The following PI4KB variants were observed in gnomAD, a reference collection of about 807,000 sequenced individuals.
PI4KB encodes the protein phosphatidylinositol 4-kinase beta.
Under a neutral mutation model 81.4 loss-of-function variants are expected in PI4KB, and 23 were observed. The ratio of observed to expected loss-of-function variants is 0.28; its 90% CI spans 0.20 to 0.40. The LOEUF (loss-of-function observed/expected upper bound fraction) is 0.40. PI4KB is among the 10% of genes least tolerant of loss of function. PI4KB has a pLI of 1.00. For synonymous variants in PI4KB, 381 were observed against 406.8 expected, an observed-to-expected ratio of 0.94 and a Z score of 0.76; for missense variants, 651 against 1,036.6, an observed-to-expected ratio of 0.63 and a Z score of 5.11.
At position 151,307,742 on chromosome 1, in the gene PI4KB, C is replaced by T. The variant is rs1469329401; in HGVS notation, c.1014G>A (p.Arg338=). The T allele has an allele frequency of 1.2e-6, 2 of 1,614,124 alleles. No individual in the cohort carries two copies. Among genetic ancestry groups the T allele is most frequent in the Admixed American group, 3.3e-5 (2 of 60,022 alleles). Residue 338 remains arginine (R), a synonymous_variant, in exon 4 of 12, where the codon CGG becomes CGA. Coordinates refer to ENST00000368873, the MANE Select transcript of PI4KB (RefSeq NM_001369623.2). ...FIKSLMAIGK[R]LATLPTKEQK... is the part of the protein sequence containing the mutation. ...GCTCTTTGGTGGGGAGCGTGGCCAG[C>T]CGCTTGCCGATCGCCATCAGGGACT...
intron 11 of PI4KB, 63 bp from the exon 12 acceptor site, chr1:151,293,096 A>T: frequency 1.3e-6 from 2 of 1,585,714 alleles, no homozygotes; most frequent in Non-Finnish European, 1.7e-6. Flanking sequence ...TGTCAGCCAT[A>T]GCAAATACAG....
chr1:151,306,177 C>T lies in PI4KB; in HGVS notation c.1369G>A (p.Glu457Lys). The T allele has an allele frequency of 6.2e-7, 1 of 1,614,208 alleles. No individual in the cohort carries two copies. The highest frequency in any genetic ancestry group is 1.3e-5 in the African/African-American group (1 of 75,044). The change falls in exon 5 of 12, where the codon GAG becomes AAG. Residue 457 changes from glutamate to lysine, a missense_variant. Coordinates refer to ENST00000368873, the MANE Select transcript of PI4KB (RefSeq NM_001369623.2). ...CCTATGTCATCCACCGACCAGGCCT[C>T]ATCATCGTTGTCATAGTTGGGCACA... ...STVPNYDNDD[E>K]AWSVDDIGEL...
At chr1:151,293,912 C>T (rs773520482) in intron 11 of PI4KB, 106 bp downstream of exon 11, 2 of 1,275,382 alleles carry the variant, frequency 1.6e-6, no homozygotes, top group Non-Finnish European at 2.2e-6. Context: ...CTGGGAACCC[C>T]CCTCCCTCAA....
chr1:151,296,203 C>T (rs1400242215), intron 9 of PI4KB, among the ~76,000 whole-genome samples: 2 of 152,126 alleles, frequency 1.3e-5, no homozygotes, highest in Non-Finnish European at 2.9e-5. Context: ...GCCGAGATCA[C>T]GCCACTGCAC....
chr1:151,306,243 A>T lies in PI4KB; in HGVS notation c.1303T>A (p.Cys435Ser), dbSNP rs1307308311. 6.2e-7 allele frequency: 1 copy of T among 1,613,938 alleles called. No homozygotes were observed. Among genetic ancestry groups the T allele is most frequent in the Non-Finnish European group, 8.5e-7 (1 of 1,180,020 alleles). The change falls in exon 5 of 12, where the codon TGT becomes AGT. Residue 435 changes from cysteine (C) to serine (S), a missense_variant. Physicochemically the swap from Cys to Ser is moderately radical, Grantham distance 112 (BLOSUM62 -1). Around this residue, in one of 5 missense-constraint regions of PI4KB, gnomAD observed 246 missense variants for 430.1 expected, o/e 0.57. Coordinates refer to ENST00000368873, the MANE Select transcript of PI4KB (RefSeq NM_001369623.2). ...STRSVENLPE[C>S]GITHEQRAGS... ...GCTCGCTGCTCATGGGTAATACCAC[A>T]TTCGGGCAAGTTTTCTACGGACCTC...
At position 151,307,535 on chromosome 1, in the gene PI4KB, T is replaced by A. The variant is rs371412008; in HGVS notation, c.1182+39A>T. ...ACTCTGAACAACCATGGGTGAAGAG[T>A]CACGTCCAGGGTAGGGGTTTGGGCC... is the stretch of plus-strand genomic sequence containing the variant. On this transcript the variant is annotated intron_variant, in intron 4 of 11. Transcript: ENST00000368873. 3.6e-5 allele frequency: 50 copies of A among 1,387,364 alleles called. No homozygotes were observed. In the African/African-American group the frequency reaches 6.9e-4, roughly 19 times the overall value. The allele number at this position is 1,387,364 out of a possible 1,614,324, so 85.9% of individuals were successfully genotyped here. A position where few individuals can be genotyped will look rare whatever the true frequency, so the allele number is the denominator to read the frequency against.
At chr1:151,316,626 T>C in intron 1 of PI4KB, 117 bp from the exon 2 acceptor site, 1 of 651,018 alleles carries the variant, frequency 1.5e-6, no homozygotes, top group South Asian at 3.0e-5. Context: ...CCTCCTCTTT[T>C]TGTCTTCCTG....
intron 1 of PI4KB, among the ~76,000 whole-genome samples, chr1:151,321,831 C>G (rs1250846339): frequency 6.8e-6 from 1 of 147,838 alleles, no homozygotes; most frequent in African/African-American, 2.5e-5. Flanking sequence ...CGAGATCACA[C>G]CACTGCACTC....
intron 3 of PI4KB, 22 bp from the exon 4 acceptor site, chr1:151,307,823 C>G: frequency 6.4e-7 from 1 of 1,558,706 alleles, no homozygotes; most frequent in Non-Finnish European, 8.9e-7. Flanking sequence ...TGGGGTAAGA[C>G]AAAAGATGGT....
At chr1:151,322,377 C>T (rs974603447) in intron 1 of PI4KB, among the ~76,000 whole-genome samples, 9 of 152,292 alleles carry the variant, frequency 5.9e-5, no homozygotes, top group Admixed American at 4.6e-4. Flanking sequence ...GGAGGAGATG[C>T]TATCGCTTAA....
intron 1 of PI4KB, among the ~76,000 whole-genome samples, chr1:151,326,729 G>A (rs1307432742): frequency 6.6e-6 from 1 of 152,204 alleles, no homozygotes; most frequent in Non-Finnish European, 1.5e-5. Context: ...ATTCTTGGAA[G>A]CCAGGAGCTG....
intron 9 of PI4KB, 54 bp downstream of exon 9, chr1:151,298,754 A>G: frequency 1.3e-6 from 2 of 1,575,124 alleles, no homozygotes; most frequent in Non-Finnish European, 1.7e-6. Context: ...CTACACACGA[A>G]GGGACAGAGA....
At chr1:151,304,119 C>T (rs1695530861) in intron 5 of PI4KB, among the ~76,000 whole-genome samples, 1 of 152,206 alleles carries the variant, frequency 6.6e-6, no homozygotes, top group Non-Finnish European at 1.5e-5. Flanking sequence ...CTTATCTTCT[C>T]ATCTCTCTCT....
chr1:151,312,407 A>G (rs1202015243), intron 2 of PI4KB, among the ~76,000 whole-genome samples: 1 of 152,222 alleles, frequency 6.6e-6, no homozygotes, highest in Non-Finnish European at 1.5e-5. Context: ...TAGGTCTTAG[A>G]TAATTATGTG....
chr1:151,327,411 C>T lies in PI4KB; in HGVS notation c.-169G>A, dbSNP rs1649822977. 2.5e-6 allele frequency: 1 copy of T among 397,926 alleles called. No individual in the cohort carries two copies. The highest frequency in any genetic ancestry group is 2.1e-5 in the African/African-American group (1 of 48,722). 24.6% of individuals were successfully genotyped at this position (397,926 alleles called of 1,614,324 possible). On this transcript the variant is annotated 5_prime_UTR_variant, in exon 1 of 12. Coordinates refer to ENST00000368873, the MANE Select transcript of PI4KB (RefSeq NM_001369623.2). ...GCGGCCGCGGAGGCTGCACCAGGCCCCGGCTGCGGGGCTGCCCGCGGCGCC... is the reference window on the plus strand; with the variant it reads ...GCGGCCGCGGAGGCTGCACCAGGCCTCGGCTGCGGGGCTGCCCGCGGCGCC...
chr1:151,312,710 C>T (rs1647297337), intron 2 of PI4KB, among the ~76,000 whole-genome samples: 1 of 152,198 alleles, frequency 6.6e-6, no homozygotes, highest in Non-Finnish European at 1.5e-5. Flanking sequence ...CCTTGACAGA[C>T]GCATCCTCAA....
chr1:151,303,543 G>A lies in PI4KB; in HGVS notation c.1518C>T (p.Ile506=). Reference sequence around the variant, plus strand: ...GGGGCAATGTGATCTGGCCATACCGGATGTCCCCTGCTGCAATGAACACAG... The same window carrying A: ...GGGGCAATGTGATCTGGCCATACCGAATGTCCCCTGCTGCAATGAACACAG... ...KEPVFIAAGD[I]RRRLSEQLAH... Residue 506 remains isoleucine (I), a splice_region_variant and synonymous_variant, in exon 6 of 12, where the codon ATC becomes ATT. Transcript: ENST00000368873. 5 of 1,596,356 alleles carry A rather than the reference G, an allele frequency of 3.1e-6. No homozygotes were observed. The highest frequency in any genetic ancestry group is 4.3e-6 in the Non-Finnish European group (5 of 1,163,814).
At chr1:151,321,282 C>T (rs1209951100) in intron 1 of PI4KB, among the ~76,000 whole-genome samples, 1 of 152,176 alleles carries the variant, frequency 6.6e-6, no homozygotes. Context: ...TCTCAGGAAC[C>T]CAGGCACTGC....
chr1:151,317,705 C>G (rs1341925036), intron 1 of PI4KB, among the ~76,000 whole-genome samples: 1 of 152,202 alleles, frequency 6.6e-6, no homozygotes, highest in Non-Finnish European at 1.5e-5. Flanking sequence ...TCCACTTGCT[C>G]TTCCTGTCTC....
Sources: gnomAD v4.1 joint callset for allele counts (sites outside exome capture counted in the v4.1 genomes callset) on GRCh38, gnomAD v4.1.1 for gene constraint, gnomAD v4.1.1 regional missense constraint, MANE v1.5 for transcripts, NCBI Gene and HGNC (gene_info 2026-07-23, HGNC 2026-07-21) for gene names.